Variants in PAX7 observed in about 807,000 individuals in gnomAD.
PAX7 encodes paired box protein Pax-7.
In PAX7, 18 loss-of-function variants were observed where a neutral mutation model predicts 50.7. The observed-to-expected ratio is 0.36, with a 90% CI of 0.25 to 0.53. The LOEUF (loss-of-function observed/expected upper bound fraction) is 0.53. Ranked by LOEUF, PAX7 falls within the 20% of genes least tolerant of loss-of-function variation. The pLI is 0.93. For missense variants in PAX7, 644 were observed against 702.9 expected, an observed-to-expected ratio of 0.92 and a Z score of 0.95; for synonymous variants, 310 against 290.4, an observed-to-expected ratio of 1.07 and a Z score of -0.69.
At chr1:18,677,264 C>A (rs551160973) in intron 4 of PAX7, among the ~76,000 whole-genome samples, 1 of 152,082 alleles carries the variant, frequency 6.6e-6, no homozygotes, top group Non-Finnish European at 1.5e-5. Context: ...CTAAGGGGGG[C>A]GGCATGGCCT....
At chr1:18,721,518 G>A (rs687377) in intron 7 of PAX7, among the ~76,000 whole-genome samples, 2,729 of 152,326 alleles carry the variant, frequency 0.018, 52 homozygotes, top group Middle Eastern at 0.031. Flanking sequence ...CCGTGACTGA[G>A]TTTCCCTTTA....
intron 4 of PAX7, among the ~76,000 whole-genome samples, chr1:18,676,372 C>T (rs769530823): frequency 6.1e-5 from 9 of 148,698 alleles, no homozygotes; most frequent in South Asian, 2.2e-4. Context: ...GATGGGGGCA[C>T]GACAGGTTGG....
rs189014993 is a variant in PAX7, at chr1:18,745,893, A to T, written c.*964A>T. ...GCTCAGAAGGCACTTTCATAACCAG[A>T]TCCCTCTGTTTGTGGGAGGGCAAGC... On this transcript the variant is annotated 3_prime_UTR_variant, in exon 9 of 9. Transcript: ENST00000420770. 4.2e-3 allele frequency: 964 copies of T among 231,886 alleles called. 8 individuals are homozygous for T. The highest frequency in any genetic ancestry group is 0.032 in the South Asian group (174 of 5,510). The allele number at this position is 231,886 out of a possible 1,614,324, so 14.4% of individuals were successfully genotyped here.
At chr1:18,703,387 C>G in intron 7 of PAX7, 91 bp downstream of exon 7, 1 of 1,171,350 alleles carries the variant, frequency 8.5e-7, no homozygotes, top group Non-Finnish European at 1.3e-6. Flanking sequence ...TGCGCTCTTT[C>G]CTGTAGCAGG....
chr1:18,720,206 C>T (rs1229944031), intron 7 of PAX7, among the ~76,000 whole-genome samples: 2 of 152,220 alleles, frequency 1.3e-5, no homozygotes, highest in African/African-American at 4.8e-5. Context: ...AGGATGACCT[C>T]TCATGCCGTC....
rs546214332 is a variant in PAX7 at position 18,659,389 on chromosome 1, C to G, written c.586+23018C>G. Among the ~76,000 whole-genome samples, 29 of 152,306 alleles carry G rather than the reference C, an allele frequency of 1.9e-4. No homozygotes were observed. The South Asian group carries it at 5.8e-3, about 30-fold the overall frequency. On this transcript the variant is annotated intron_variant, in intron 4 of 8. Coordinates refer to ENST00000420770, the MANE Select transcript of PAX7 (RefSeq NM_001135254.2). Reference sequence around the variant, plus strand: ...GAATTGAAGGCAAGGCTTTCCCTCCCCCTCCTTTCCACTTCTCTTCCTCCC... The same window carrying G: ...GAATTGAAGGCAAGGCTTTCCCTCCGCCTCCTTTCCACTTCTCTTCCTCCC...
At chr1:18,677,743 G>A (rs763993517) in intron 4 of PAX7, among the ~76,000 whole-genome samples, 6 of 152,180 alleles carry the variant, frequency 3.9e-5, no homozygotes, top group Admixed American at 6.5e-5. Flanking sequence ...ATGAGGGTCC[G>A]TGGCTTCTTT....
At chr1:18,720,197 G>GGAT (rs1351584018) in intron 7 of PAX7, among the ~76,000 whole-genome samples, 1 of 152,186 alleles carries the variant, frequency 6.6e-6, no homozygotes, top group Admixed American at 6.5e-5. Flanking sequence ...AAGCACTAGA[G>GGAT]GATGACCTCT....
chr1:18,675,024 C>T (rs900764004), intron 4 of PAX7, among the ~76,000 whole-genome samples: 1 of 152,144 alleles, frequency 6.6e-6, no homozygotes, highest in Admixed American at 6.5e-5. Context: ...GCTTAAAATG[C>T]ATTCATTGGC....
At position 18,636,654 on chromosome 1, in the gene PAX7, G is replaced by T. The variant is rs1261203688; in HGVS notation, c.586+283G>T. On this transcript the variant is annotated intron_variant, in intron 4 of 8. Coordinates refer to ENST00000420770, the MANE Select transcript of PAX7 (RefSeq NM_001135254.2). This position sits in a 1 kb window ranked among gnomAD's most constrained non-coding sequence, Gnocchi z 5.1. ...GGAGAGCCCGGCTGCGGGGCTGCGC[G>T]CCTGGTCTACCCCAATACTGCGGGG... Among the ~76,000 whole-genome samples, 2 of 152,150 alleles carry T rather than the reference G, an allele frequency of 1.3e-5. No homozygotes were observed. The highest frequency in any genetic ancestry group is 6.5e-5 in the Admixed American group (1 of 15,278).
At chr1:18,637,864 G>T (rs887034287) in intron 4 of PAX7, among the ~76,000 whole-genome samples, 1 of 152,230 alleles carries the variant, frequency 6.6e-6, no homozygotes, top group African/African-American at 2.4e-5. Context: ...TGTGCCGGGC[G>T]CCCCGCTGTG....
chr1:18,713,573 C>T (rs1241524096), intron 7 of PAX7, among the ~76,000 whole-genome samples: 2 of 152,198 alleles, frequency 1.3e-5, no homozygotes, highest in African/African-American at 4.8e-5. Context: ...GAGGGAGACT[C>T]AAGAAAGAAA....
At chr1:18,654,064 C>T (rs966868040) in intron 4 of PAX7, among the ~76,000 whole-genome samples, 1 of 152,130 alleles carries the variant, frequency 6.6e-6, no homozygotes, top group Non-Finnish European at 1.5e-5. Context: ...CCGCCCGCAG[C>T]TGGCTGGCTG....
At chr1:18,643,891 T>G (rs533999792) in intron 4 of PAX7, among the ~76,000 whole-genome samples, 1 of 151,658 alleles carries the variant, frequency 6.6e-6, no homozygotes. Flanking sequence ...CCCGGGGCGC[T>G]GGGCAGGGGC....
intron 8 of PAX7, among the ~76,000 whole-genome samples, chr1:18,744,506 A>G (rs57917941): frequency 5.2e-5 from 4 of 77,220 alleles, no homozygotes; most frequent in Admixed American, 2.4e-4. Flanking sequence ...ATGGACAGAG[A>G]ATGGATAAAT....
rs116268766 is a variant in PAX7 at position 18,733,760 on chromosome 1, C to A, written c.1156-1872C>A. ...CTACTGCTGGTCCTTGGAGTGAGAC[C>A]CTCTAAAGTGATCAGATGCCTCAAC... On this transcript the variant is annotated intron_variant, in intron 7 of 8. Coordinates refer to ENST00000420770, the MANE Select transcript of PAX7 (RefSeq NM_001135254.2). Among the ~76,000 whole-genome samples, 939 of 152,282 alleles carry A rather than the reference C, an allele frequency of 6.2e-3. 11 individuals are homozygous for A. The highest frequency in any genetic ancestry group is 0.021 in the African/African-American group (873 of 41,548).
chr1:18,692,205 A>T (rs2089082180), intron 5 of PAX7, among the ~76,000 whole-genome samples: 1 of 152,146 alleles, frequency 6.6e-6, no homozygotes, highest in South Asian at 2.1e-4. Flanking sequence ...GGGGAAGAAA[A>T]GGAAGAAGGT....
In PAX7 at chr1:18,638,627, C is replaced by T. The variant is rs557449288; in HGVS notation, c.586+2256C>T. ...GCATCTCTTAGTGTGACTGTTTACC[C>T]ACGGGCCTTCTGATCTGAATGCTGT... On this transcript the variant is annotated intron_variant, in intron 4 of 8. Transcript: ENST00000420770. Among the ~76,000 whole-genome samples the T allele has an allele frequency of 7.9e-5, 12 of 152,286 alleles. No homozygotes were observed. In the South Asian group the frequency reaches 2.5e-3, roughly 32 times the overall value.
Position 18,632,691 on chromosome 1 carries a change from C to T in PAX7, c.85+1003C>T, listed in dbSNP as rs1445484098. 1.2e-5 allele frequency among the ~76,000 whole-genome samples: 1 copy of T among 86,530 alleles called. No individual in the cohort carries two copies. Among genetic ancestry groups the T allele is most frequent in the East Asian group, 3.6e-4 (1 of 2,812 alleles). 56.8% of individuals were successfully genotyped at this position (86,530 alleles called of 152,430 possible). ...CCTGTGATCGTTTGAGTCCCTGGCG[C>T]GTGAGGAAGGGGAGAGGAGGCAGGG... On this transcript the variant is annotated intron_variant, in intron 1 of 8. Coordinates refer to ENST00000420770, the MANE Select transcript of PAX7 (RefSeq NM_001135254.2). This position sits in a 1 kb window ranked among gnomAD's most constrained non-coding sequence, Gnocchi z 6.3.
Sources: allele counts gnomAD v4.1 joint callset (sites outside exome capture counted in the v4.1 genomes callset), GRCh38; gene constraint gnomAD v4.1.1; non-coding constraint Gnocchi (gnomAD v3.1); transcripts MANE v1.5; gene names NCBI Gene and HGNC (gene_info 2026-07-23, HGNC 2026-07-21).